NNT: variants seen among roughly 807,000 people sequenced by gnomAD.
NNT encodes the protein NAD(P) transhydrogenase, mitochondrial.
NNT carries 50 observed loss-of-function variants against 104.8 expected under a neutral mutation model. The ratio of observed to expected loss-of-function variants is 0.48; its 90% CI spans 0.38 to 0.60. NNT has a LOEUF of 0.60. NNT is among the 20% of genes least tolerant of loss of function. The probability of loss-of-function intolerance (pLI) is 0.00; values close to 1 mark genes in which losing one functional copy is unlikely to be tolerated. For synonymous variants in NNT, 461 were observed against 490.4 expected, an observed-to-expected ratio of 0.94 and a Z score of 0.79; for missense variants, 1,131 against 1,330.7, an observed-to-expected ratio of 0.85 and a Z score of 2.33.
chr5:43,656,001 G>A lies in NNT; in HGVS notation c.2221G>A (p.Val741Met), dbSNP rs1201140347. The A allele has an allele frequency of 6.2e-7, 1 of 1,614,208 alleles. No homozygotes were observed. Among genetic ancestry groups the A allele is most frequent in the Admixed American group, 1.7e-5 (1 of 60,028 alleles). The change falls in exon 15 of 22, where the codon GTG (valine) becomes ATG (methionine). Residue 741 changes from valine to methionine, a missense_variant. Coordinates refer to ENST00000344920, the MANE Select transcript of NNT (RefSeq NM_182977.3). ...TDAAANLTKIVAYLGTYIGGV... is the reference protein window; with the variant it reads ...TDAAANLTKIMAYLGTYIGGV... ...TGCAGCAGCAAATCTCACCAAGATT[G>A]TGGCCTACCTCGGCACTTACATTGG...
intron 7 of NNT, among the ~76,000 whole-genome samples, chr5:43,635,362 G>C (rs1750878859): frequency 1.3e-5 from 2 of 152,158 alleles, no homozygotes; most frequent in Admixed American, 6.5e-5. Context: ...ATTTAAGCCA[G>C]CTATAGGGAA....
At chr5:43,666,762 T>G (rs1233450723) in intron 17 of NNT, 9 of 1,275,512 alleles carry the variant, frequency 7.1e-6, no homozygotes, top group Non-Finnish European at 9.8e-6. Context: ...TTGGCAGAGA[T>G]ATCTACTCTG....
At chr5:43,702,328 A>G (rs1359581137) in intron 20 of NNT, among the ~76,000 whole-genome samples, 1 of 152,196 alleles carries the variant, frequency 6.6e-6, no homozygotes. Flanking sequence ...TTGAGATCAT[A>G]AAAGTTATAG....
intron 10 of NNT, among the ~76,000 whole-genome samples, chr5:43,646,738 G>A (rs1047458439): frequency 2.0e-5 from 3 of 152,064 alleles, no homozygotes; most frequent in Non-Finnish European, 4.4e-5. Flanking sequence ...AGCAAAGTTT[G>A]CCTTAAAGAA....
intron 6 of NNT, 70 bp downstream of exon 6, chr5:43,624,190 T>A: frequency 7.6e-7 from 1 of 1,317,562 alleles, no homozygotes; most frequent in Non-Finnish European, 1.1e-6. Context: ...ATGATTGCCT[T>A]AAAACTTGTA....
At position 43,613,071 on chromosome 5, in the gene NNT, C is replaced by T. The variant is rs1456636988; in HGVS notation, c.315C>T (p.His105=). Residue 105 remains histidine, a synonymous_variant, in exon 3 of 22, where the codon CAC becomes CAT. Coordinates refer to ENST00000344920, the MANE Select transcript of NNT (RefSeq NM_182977.3). The part of the protein sequence containing the change: ...AGEASKFSDD[H]YRVAGAQIQG... ...AAGCTTCCAAGTTCTCAGATGATCA[C>T]TATAGAGTGGCAGGTGCCCAAATCC... 1.2e-6 allele frequency: 2 copies of T among 1,613,994 alleles called. No homozygotes were observed. Among genetic ancestry groups the T allele is most frequent in the African/African-American group, 2.7e-5 (2 of 74,886 alleles).
At chr5:43,673,338 A>G (rs755325480) in intron 17 of NNT, among the ~76,000 whole-genome samples, 28 of 152,154 alleles carry the variant, frequency 1.8e-4, no homozygotes, top group Non-Finnish European at 3.7e-4. Flanking sequence ...CCGGTACCTC[A>G]GTTGGAAATG....
chr5:43,655,011 G>C (rs764774471), intron 14 of NNT, among the ~76,000 whole-genome samples: 1 of 152,182 alleles, frequency 6.6e-6, no homozygotes, highest in Non-Finnish European at 1.5e-5. Flanking sequence ...TCCTTCAGAG[G>C]CTCCTAATTT....
At chr5:43,646,464 ATT>A (rs373535709) in intron 10 of NNT, among the ~76,000 whole-genome samples, 10 of 136,270 alleles carry the variant, frequency 7.3e-5, no homozygotes, top group Non-Finnish European at 8.0e-5. Context: ...TAATTTTTGT[ATT>A]TTTTTTTTTT....
At chr5:43,611,320 T>C (rs1749489766) in intron 2 of NNT, among the ~76,000 whole-genome samples, 2 of 152,354 alleles carry the variant, frequency 1.3e-5, no homozygotes, top group East Asian at 1.9e-4. Flanking sequence ...TTAGCCAGTT[T>C]CTCTGTCCCT....
intron 3 of NNT, among the ~76,000 whole-genome samples, chr5:43,613,863 T>C (rs972714150): frequency 6.6e-6 from 1 of 152,098 alleles, no homozygotes; most frequent in Non-Finnish European, 1.5e-5. Context: ...TCTACATTAA[T>C]TTCTATGAGG....
At chr5:43,672,767 G>A (rs1393675599) in intron 17 of NNT, among the ~76,000 whole-genome samples, 1 of 152,230 alleles carries the variant, frequency 6.6e-6, no homozygotes, top group Non-Finnish European at 1.5e-5. Context: ...TCCGTTTTCA[G>A]ATCTCAAACT....
intron 7 of NNT, among the ~76,000 whole-genome samples, chr5:43,643,641 G>A (rs890654436): frequency 1.3e-5 from 2 of 152,108 alleles, no homozygotes; most frequent in African/African-American, 4.8e-5. Flanking sequence ...TTGATTTATT[G>A]GCATTTTCCT....
At chr5:43,607,277 C>T (rs902441327) in intron 1 of NNT, among the ~76,000 whole-genome samples, 27 of 152,168 alleles carry the variant, frequency 1.8e-4, no homozygotes, top group African/African-American at 6.5e-4. Flanking sequence ...TGGCCAGTTC[C>T]TGCCTTAACT....
intron 19 of NNT, among the ~76,000 whole-genome samples, chr5:43,681,204 G>A (rs1370534757): frequency 1.4e-5 from 2 of 143,806 alleles, no homozygotes; most frequent in Non-Finnish European, 3.0e-5. Flanking sequence ...AGCTCGCAGT[G>A]AGCCAAGATC....
intron 7 of NNT, among the ~76,000 whole-genome samples, chr5:43,631,111 C>T (rs763021978): frequency 6.6e-6 from 1 of 152,206 alleles, no homozygotes; most frequent in Non-Finnish European, 1.5e-5. Flanking sequence ...TAGGTGAGCT[C>T]GTCTCTCCAG....
chr5:43,672,344 G>A (rs543605163), intron 17 of NNT, among the ~76,000 whole-genome samples: 33 of 152,344 alleles, frequency 2.2e-4, no homozygotes, highest in African/African-American at 7.7e-4. Context: ...CGTTCCTTTG[G>A]AGGGGGGAGA....
intron 7 of NNT, 92 bp downstream of exon 7, chr5:43,628,479 T>A (rs1222120105): frequency 2.3e-5 from 23 of 1,006,730 alleles, no homozygotes; most frequent in Non-Finnish European, 2.8e-5. Flanking sequence ...ACATTTGAAT[T>A]TCTTTAAGGA....
Position 43,667,485 on chromosome 5 carries a change from T to C in NNT, c.2635-8026T>C, listed in dbSNP as rs577677389. Among the ~76,000 whole-genome samples the C allele has an allele frequency of 2.0e-5, 3 of 152,304 alleles. No individual in the cohort carries two copies. In the East Asian group the frequency reaches 5.8e-4, roughly 29 times the overall value. ...TCCTGTGTCCATGTGTTCTCATTGT[T>C]CAATTCCCACCTATGAGTGAGAACA... On this transcript the variant is annotated intron_variant, in intron 17 of 21. Coordinates refer to ENST00000344920, the MANE Select transcript of NNT (RefSeq NM_182977.3).
Sources: gnomAD v4.1 joint callset for allele counts (sites outside exome capture counted in the v4.1 genomes callset) on GRCh38, gnomAD v4.1.1 for gene constraint, MANE v1.5 for transcripts, NCBI Gene and HGNC (gene_info 2026-07-23, HGNC 2026-07-21) for gene names.